Variants in SHD observed in about 807,000 individuals in gnomAD.
The protein encoded by SHD is SH2 domain-containing adapter protein D.
SHD carries 29 observed loss-of-function variants against 31.2 expected under a neutral mutation model. The ratio of observed to expected loss-of-function variants is 0.93; its 90% CI spans 0.69 to 1.27. SHD has a LOEUF of 1.27. Ranked by LOEUF, SHD falls within the 50% of genes most tolerant of loss-of-function variation. The probability of loss-of-function intolerance (pLI) is 0.00; values close to 1 mark genes in which losing one functional copy is unlikely to be tolerated. For missense variants in SHD, 520 were observed against 453.8 expected, an observed-to-expected ratio of 1.15 and a Z score of -1.33; for synonymous variants, 208 against 187.8, an observed-to-expected ratio of 1.11 and a Z score of -0.88.
Position 4,280,352 on chromosome 19 carries a change from G to T in SHD, c.289G>T (p.Gly97Trp), listed in dbSNP as rs965475259. ...AGCCAAGGCCCTTCTGGGCGGCCCC[G>T]GGGAGGAGGTGCGTGGCTGGGTGGC... ...ARAKALLGGP[G>W]EELEADTEYL... Residue 97 changes from glycine (G) to tryptophan (W), a missense_variant, in exon 1 of 6, where the codon GGG (glycine) becomes TGG (tryptophan). Transcript: ENST00000543264. 1.3e-6 allele frequency: 2 copies of T among 1,567,696 alleles called. No homozygotes were observed. The highest frequency in any genetic ancestry group is 2.3e-5 in the South Asian group (2 of 86,028).
chr19:4,283,276 G>A, intron 3 of SHD, 34 bp downstream of exon 3: 2 of 1,583,690 alleles, frequency 1.3e-6, no homozygotes, highest in Non-Finnish European at 1.7e-6. Context: ...ACATCTGAAT[G>A]CCCCATCCCT....
rs150713531 is a variant in SHD, at chr19:4,279,796, T to TC, written c.-262dup. 0.017 allele frequency: 8,402 copies of TC among 484,654 alleles called. 569 individuals are homozygous for TC. The highest frequency in any genetic ancestry group is 0.15 in the African/African-American group (7,455 of 49,984). 30.0% of individuals were successfully genotyped at this position (484,654 alleles called of 1,614,324 possible). A position where few individuals can be genotyped will look rare whatever the true frequency, so the allele number is the denominator to read the frequency against. ...GCGCGGGGTTCGGGGCCCTGCGAGG[T>TC]CCCCCCTTCCCCCGCGGTGCTTCCC... On this transcript the variant is annotated 5_prime_UTR_variant, in exon 1 of 6. An upstream open reading frame in the 5' UTR loses its in-frame stop. Coordinates refer to ENST00000543264, the MANE Select transcript of SHD (RefSeq NM_020209.4). The surrounding 1 kb of genome is among the most constrained non-coding windows in gnomAD (Gnocchi z 7.5).
intron 1 of SHD, among the ~76,000 whole-genome samples, chr19:4,281,758 C>CAATA (rs911065478): frequency 1.3e-5 from 2 of 151,932 alleles, no homozygotes; most frequent in African/African-American, 2.4e-5. Context: ...GACTCTGTCT[C>CAATA]AATAAATAAA....
At chr19:4,282,738 T>A (rs969414666) in intron 1 of SHD, 132 bp from the exon 2 acceptor site, 14 of 375,920 alleles carry the variant, frequency 3.7e-5, no homozygotes, top group East Asian at 3.5e-4. Context: ...TAAAAATAAA[T>A]AAATAAATAA....
In SHD at chr19:4,280,163, T is replaced by C. The variant is rs1971241879; in HGVS notation, c.100T>C (p.Tyr34His). 1.9e-6 allele frequency: 3 copies of C among 1,611,208 alleles called. No individual in the cohort carries two copies. The South Asian group carries it at 3.3e-5, about 18-fold the overall frequency. ...CACCGAGAGCGACATCCTGAGGGCCTACCGCGCGCAGAAGAACCTGGACTT... is the reference window on the plus strand; with the variant it reads ...CACCGAGAGCGACATCCTGAGGGCCCACCGCGCGCAGAAGAACCTGGACTT... ...DYTESDILRA[Y>H]RAQKNLDFED... is the part of the protein sequence containing the mutation. The change falls in exon 1 of 6, where the codon TAC becomes CAC. Residue 34 changes from tyrosine (Y) to histidine (H), a missense_variant. Transcript: ENST00000543264.
At position 4,280,314 on chromosome 19, in the gene SHD, C is replaced by T; in HGVS notation, c.251C>T (p.Ala84Val). Residue 84 changes from alanine to valine, a missense_variant, in exon 1 of 6, where the codon GCG becomes GTG. By Grantham distance (64) the Ala-to-Val change is moderately conservative. Transcript: ENST00000543264. ...CACCGGCTCATCAAGGTGGAGGCTG[C>T]GGATATGGCCAGAGCCAAGGCCCTT... ...PKHRLIKVEA[A>V]DMARAKALLG... 3 of 1,602,378 alleles carry T rather than the reference C, an allele frequency of 1.9e-6. No individual in the cohort carries two copies. Among genetic ancestry groups the T allele is most frequent in the Non-Finnish European group, 2.6e-6 (3 of 1,174,728 alleles).
intron 3 of SHD, 99 bp from the exon 4 acceptor site, chr19:4,284,682 C>G: frequency 7.4e-7 from 1 of 1,345,930 alleles, no homozygotes; most frequent in Non-Finnish European, 9.7e-7. Context: ...TTGTCCCAAG[C>G]TGGCCCTGCC....
At chr19:4,288,449 G>A in intron 5 of SHD, 87 bp downstream of exon 5, 2 of 1,447,386 alleles carry the variant, frequency 1.4e-6, no homozygotes, top group South Asian at 1.4e-5. Flanking sequence ...GGGAGGGTGT[G>A]GCTCCCGCAG....
intron 5 of SHD, among the ~76,000 whole-genome samples, chr19:4,288,818 G>C (rs989556582): frequency 3.3e-5 from 5 of 152,096 alleles, no homozygotes; most frequent in African/African-American, 9.7e-5. Flanking sequence ...GATTCTGCTA[G>C]GTGTCTGAGT....
rs1234939758 is a variant in SHD at position 4,280,223 on chromosome 19, G to A, written c.160G>A (p.Glu54Lys). Residue 54 changes from glutamate (E) to lysine (K), a missense_variant, in exon 1 of 6, where the codon GAG (glutamate) becomes AAG (lysine). Physicochemically the swap from Glu to Lys is moderately conservative, Grantham distance 56 (BLOSUM62 1). Coordinates refer to ENST00000543264, the MANE Select transcript of SHD (RefSeq NM_020209.4). Reference sequence around the variant, plus strand: ...CTATGAGGACGCGGAGAGCCGCTTGGAGCCGGACCCCGCGGGCCCTGGGGA... The same window carrying A: ...CTATGAGGACGCGGAGAGCCGCTTGAAGCCGGACCCCGCGGGCCCTGGGGA... ...DPYEDAESRL[E>K]PDPAGPGDSK... is the part of the protein sequence containing the mutation. The A allele has an allele frequency of 1.2e-6, 2 of 1,613,904 alleles. No homozygotes were observed. The highest frequency in any genetic ancestry group is 1.7e-6 in the Non-Finnish European group (2 of 1,180,002).
chr19:4,286,227 TTTCTTTTCTTTC>T (rs763302436), intron 4 of SHD, among the ~76,000 whole-genome samples: 10,907 of 72,534 alleles, frequency 0.15, 581 homozygotes, highest in East Asian at 0.35. Context: ...TCTTTCTTTC[TTTCTTTTCTTTC>T]TTTCTTTCTT....
In SHD at chr19:4,286,231, T is replaced by TTTTCTTTC. The variant is rs200796435; in HGVS notation, c.716+1349_716+1356dup. 7.7e-3 allele frequency among the ~76,000 whole-genome samples: 386 copies of TTTTCTTTC among 50,002 alleles called. 2 individuals carry two copies. Among genetic ancestry groups the TTTTCTTTC allele is most frequent in the Admixed American group, 0.021 (80 of 3,806 alleles). The allele number at this position is 50,002 out of a possible 152,430, so 32.8% of individuals were successfully genotyped here. A position where few individuals can be genotyped will look rare whatever the true frequency, so the allele number is the denominator to read the frequency against. On this transcript the variant is annotated intron_variant, in intron 4 of 5. Coordinates refer to ENST00000543264, the MANE Select transcript of SHD (RefSeq NM_020209.4). ...CTTTCTTTCTTTCTTTCTTTCTTTC[T>TTTTCTTTC]TTTCTTTCTTTCTTTCTTTCTTTCT... is the stretch of plus-strand genomic sequence containing the variant.
intron 3 of SHD, 145 bp downstream of exon 3, chr19:4,283,387 A>G (rs1225701058): frequency 4.8e-5 from 42 of 871,918 alleles, no homozygotes; most frequent in South Asian, 4.5e-4. Flanking sequence ...AGTGTGAATG[A>G]CTGATAGTCC....
In SHD at chr19:4,279,761, A is replaced by C; in HGVS notation, c.-303A>C. On this transcript the variant is annotated 5_prime_UTR_variant, in exon 1 of 6. Transcript: ENST00000543264. This position sits in a 1 kb window ranked among gnomAD's most constrained non-coding sequence, Gnocchi z 7.5. ...CGCCTCCGCGGATGCCCCTCGCCCT[A>C]GCCCCCAGCGCGCGGGGTTCGGGGC... is the stretch of plus-strand genomic sequence containing the variant. The C allele has an allele frequency of 2.6e-6, 1 of 385,468 alleles. No individual in the cohort carries two copies. The highest frequency in any genetic ancestry group is 4.7e-6 in the Non-Finnish European group (1 of 213,808). The allele number at this position is 385,468 out of a possible 1,614,324, so 23.9% of individuals were successfully genotyped here.
chr19:4,281,254 G>A (rs563592652), intron 1 of SHD, among the ~76,000 whole-genome samples: 2 of 150,224 alleles, frequency 1.3e-5, no homozygotes, highest in African/African-American at 4.9e-5. Context: ...AGACCAGCCC[G>A]GGCTAACAGA....
At chr19:4,288,217 A>T (rs1323634031) in intron 4 of SHD, 26 bp from the exon 5 acceptor site, 1 of 1,608,344 alleles carries the variant, frequency 6.2e-7, no homozygotes, top group South Asian at 1.1e-5. Flanking sequence ...ATGGCCCTTG[A>T]TGAGACATCT....
Position 4,279,346 on chromosome 19 carries a change from C to T in SHD, c.-718C>T, listed in dbSNP as rs1001805526. 4.6e-5 allele frequency: 7 copies of T among 152,492 alleles called. No individual in the cohort carries two copies. The highest frequency in any genetic ancestry group is 1.7e-4 in the African/African-American group (7 of 41,580). 9.4% of individuals were successfully genotyped at this position (152,492 alleles called of 1,614,324 possible). On this transcript the variant is annotated 5_prime_UTR_variant, in exon 1 of 6. Coordinates refer to ENST00000543264, the MANE Select transcript of SHD (RefSeq NM_020209.4). The surrounding 1 kb of genome is among the most constrained non-coding windows in gnomAD (Gnocchi z 7.5). ...GCCCCCCTCCCCAGCGTCCCACCTC[C>T]CGGCGGCGGCGGGGAAAGTCTCTCC... is the stretch of plus-strand genomic sequence containing the variant.
chr19:4,286,245 TTCTTTCTTTCTTTCTC>T (rs1971312055), intron 4 of SHD, among the ~76,000 whole-genome samples: 1 of 117,226 alleles, frequency 8.5e-6, no homozygotes, highest in African/African-American at 3.2e-5. Context: ...CTTTCTTTCT[TTCTTTCTTTCTTTCTC>T]TCTTTCTTTC....
Position 4,290,616 on chromosome 19 carries a change from G to A in SHD, c.1006G>A (p.Val336Ile), listed in dbSNP as rs1382987788. Residue 336 changes from valine to isoleucine, a missense_variant, in exon 6 of 6, where the codon GTC (valine) becomes ATC (isoleucine). Transcript: ENST00000543264. The stretch of plus-strand genomic sequence containing the variant: ...GCATCTGGCTCTGCTGTACCCCGTG[G>A]TCACGCAGACCCCCTGACAGTGACC... ...AEHLALLYPV[V>I]TQTP The A allele has an allele frequency of 6.2e-7, 1 of 1,609,778 alleles. No homozygotes were observed. Among genetic ancestry groups the A allele is most frequent in the East Asian group, 2.2e-5 (1 of 44,812 alleles).
Sources: allele counts gnomAD v4.1 joint callset (sites outside exome capture counted in the v4.1 genomes callset), GRCh38; gene constraint gnomAD v4.1.1; non-coding constraint Gnocchi (gnomAD v3.1); transcripts MANE v1.5; gene names NCBI Gene and HGNC (gene_info 2026-07-23, HGNC 2026-07-21).